The following GRAMD2B variants were observed in gnomAD, a reference collection of about 807,000 sequenced individuals.
GRAMD2B encodes GRAM domain-containing protein 2B.
A neutral mutation model predicts 59.2 loss-of-function variants in GRAMD2B; 41 were observed. The ratio of observed to expected loss-of-function variants is 0.69; its 90% confidence interval spans 0.54 to 0.90. The LOEUF is 0.90. GRAMD2B is among the 40% of genes least tolerant of loss of function. The pLI, the probability that GRAMD2B is intolerant of heterozygous loss-of-function variation, is 0.00. For missense variants in GRAMD2B, 424 were observed against 500.5 expected, an observed-to-expected ratio of 0.85 and a Z score of 1.46; for synonymous variants, 161 against 182.7, an observed-to-expected ratio of 0.88 and a Z score of 0.96.
intron 1 of GRAMD2B, among the ~76,000 whole-genome samples, chr5:126,434,655 C>T (rs967901975): frequency 1.3e-5 from 2 of 151,984 alleles, no homozygotes; most frequent in Non-Finnish European, 2.9e-5. Context: ...GTAGCTGGGA[C>T]TACAGGTGCC....
intron 5 of GRAMD2B, among the ~76,000 whole-genome samples, chr5:126,473,821 C>A (rs1459000706): frequency 6.6e-6 from 1 of 152,158 alleles, no homozygotes; most frequent in Non-Finnish European, 1.5e-5. Flanking sequence ...AAATAAGCTA[C>A]TTATTAGCAC....
chr5:126,369,282 AT>A (rs1754621869), upstream of GRAMD2B, among the ~76,000 whole-genome samples: 1 of 73,926 alleles, frequency 1.4e-5, no homozygotes, highest in Non-Finnish European at 3.3e-5. Flanking sequence ...GAATGAATGA[AT>A]GAATGAATGA....
intron 1 of GRAMD2B, among the ~76,000 whole-genome samples, chr5:126,414,507 G>A (rs969533642): frequency 6.6e-6 from 1 of 152,252 alleles, no homozygotes; most frequent in Admixed American, 6.5e-5. Context: ...CACTCAGGTT[G>A]CAGTGTAATG....
chr5:126,370,683 T>G (rs138927290), upstream of GRAMD2B, among the ~76,000 whole-genome samples: 40 of 152,302 alleles, frequency 2.6e-4, no homozygotes, highest in African/African-American at 9.6e-4. Flanking sequence ...ATAACAGATA[T>G]CAAACAGAGC....
intron 1 of GRAMD2B, among the ~76,000 whole-genome samples, chr5:126,394,641 C>T (rs1453547134): frequency 6.6e-6 from 1 of 152,106 alleles, no homozygotes; most frequent in Non-Finnish European, 1.5e-5. Flanking sequence ...CCAATCTTTA[C>T]TCTGGAGACG....
At chr5:126,411,683 T>C (rs955270295) in intron 1 of GRAMD2B, among the ~76,000 whole-genome samples, 1 of 152,090 alleles carries the variant, frequency 6.6e-6, no homozygotes, top group African/African-American at 2.4e-5. Context: ...AATCTGTAGA[T>C]TGCGTTGGGT....
chr5:126,460,552 C>T (rs1410827339), intron 1 of GRAMD2B, among the ~76,000 whole-genome samples: 6 of 152,314 alleles, frequency 3.9e-5, no homozygotes, highest in African/African-American at 1.4e-4. Context: ...CCTGCACTTC[C>T]GCACTCCATT....
chr5:126,404,859 A>C (rs970546846), intron 1 of GRAMD2B, among the ~76,000 whole-genome samples: 1 of 151,904 alleles, frequency 6.6e-6, no homozygotes, highest in African/African-American at 2.4e-5. Flanking sequence ...TATACAACAT[A>C]ATAACAAAAA....
At chr5:126,424,845 A>C (rs1760318791) in intron 1 of GRAMD2B, among the ~76,000 whole-genome samples, 1 of 152,238 alleles carries the variant, frequency 6.6e-6, no homozygotes, top group Non-Finnish European at 1.5e-5. Context: ...TGCAGATAAA[A>C]GCACTGAAGC....
At position 126,383,069 on chromosome 5, in the gene GRAMD2B, G is replaced by C. The variant is rs73332438; in HGVS notation, c.125+11502G>C. On this transcript the variant is annotated intron_variant, in intron 1 of 8. Transcript: ENST00000506445. Reference sequence around the variant, plus strand: ...TCCGTCTTCAGGTCTCTCAGCCATGGATACCAGCACCTTCCCCAGTGGAGG... The same window carrying C: ...TCCGTCTTCAGGTCTCTCAGCCATGCATACCAGCACCTTCCCCAGTGGAGG... Among the ~76,000 whole-genome samples, 321 of 152,316 alleles carry C rather than the reference G, an allele frequency of 2.1e-3. 2 individuals carry two copies. The highest frequency in any genetic ancestry group is 7.1e-3 in the African/African-American group (294 of 41,572).
intron 1 of GRAMD2B, among the ~76,000 whole-genome samples, chr5:126,413,164 T>C (rs922542445): frequency 1.4e-4 from 21 of 152,242 alleles, no homozygotes; most frequent in African/African-American, 4.3e-4. Context: ...GGTTTTGTTC[T>C]TGTTTTTCTA....
chr5:126,411,841 G>GGTGTGT lies in GRAMD2B; in HGVS notation c.125+40289_125+40294dup, dbSNP rs147604532. Among the ~76,000 whole-genome samples the GGTGTGT allele has an allele frequency of 9.3e-4, 138 of 148,868 alleles. 1 individual carries two copies. In the Middle Eastern group the frequency reaches 0.017, roughly 19 times the overall value. On this transcript the variant is annotated intron_variant, in intron 1 of 8. Coordinates refer to the GRAMD2B transcript ENST00000506445. ...CACCACATTGGTTAGATATATTTCT[G>GGTGTGT]GTGTGTGTGTGTGTGTGTGTTTGTG... is the stretch of plus-strand genomic sequence containing the variant.
Position 126,488,838 on chromosome 5 carries a change from C to G in GRAMD2B, c.1203C>G (p.Phe401Leu). The G allele has an allele frequency of 6.2e-7, 1 of 1,613,836 alleles. No individual in the cohort carries two copies. Reference protein sequence around the residue: ...APSGLRSQVQFNVEVLCQELT... With the variant: ...APSGLRSQVQLNVEVLCQELT... ...CTGGCCTGAGGTCACAAGTACAATTCAATGTGGAGGTTCTCTGTCAAGAGC... is the reference window on the plus strand; with the variant it reads ...CTGGCCTGAGGTCACAAGTACAATTGAATGTGGAGGTTCTCTGTCAAGAGC... The change falls in exon 13 of 14, where the codon TTC (phenylalanine) becomes TTG (leucine). Residue 401 changes from phenylalanine to leucine, a missense_variant. Transcript: ENST00000285689.
chr5:126,367,309 G>C (rs1296811622), upstream of GRAMD2B, among the ~76,000 whole-genome samples: 1 of 152,120 alleles, frequency 6.6e-6, no homozygotes, highest in Admixed American at 6.5e-5. Flanking sequence ...AGAAAATCTC[G>C]TTTATTTCTA....
Position 126,404,180 on chromosome 5 carries a change from C to T in GRAMD2B, c.125+32613C>T, listed in dbSNP as rs188897290. 5.9e-4 allele frequency among the ~76,000 whole-genome samples: 89 copies of T among 151,994 alleles called. 1 individual carries two copies. The East Asian group carries it at 0.017, about 28-fold the overall frequency. ...GAAATCAGGAAATCCCAGGATTGTA[C>T]AGTCTCAACACAACCCAAGGAAATG... On this transcript the variant is annotated intron_variant, in intron 1 of 8. Coordinates refer to the GRAMD2B transcript ENST00000506445.
At chr5:126,427,406 CAAAAGTT>C (rs1311994375) in intron 1 of GRAMD2B, among the ~76,000 whole-genome samples, 1 of 152,100 alleles carries the variant, frequency 6.6e-6, no homozygotes, top group African/African-American at 2.4e-5. Flanking sequence ...ATATTCTGAG[CAAAAGTT>C]ATCTTGATTC....
chr5:126,487,157 C>G (rs1176021055), intron 12 of GRAMD2B, among the ~76,000 whole-genome samples, 180 bp downstream of exon 12: 1 of 152,020 alleles, frequency 6.6e-6, no homozygotes, highest in East Asian at 1.9e-4. Flanking sequence ...TGACCTAACC[C>G]TGTACTATTT....
At chr5:126,390,182 T>G (rs751535594) in intron 1 of GRAMD2B, among the ~76,000 whole-genome samples, 17 of 152,194 alleles carry the variant, frequency 1.1e-4, no homozygotes, top group Non-Finnish European at 2.1e-4. Flanking sequence ...CTGAGATGAC[T>G]TGACTTTGAA....
chr5:126,383,127 T>G (rs1458498107), intron 1 of GRAMD2B, among the ~76,000 whole-genome samples: 1 of 152,210 alleles, frequency 6.6e-6, no homozygotes, highest in African/African-American at 2.4e-5. Context: ...CCGTGACTTA[T>G]TTTTTAAATG....
Sources: gnomAD v4.1 joint callset for allele counts (sites outside exome capture counted in the v4.1 genomes callset) on GRCh38, gnomAD v4.1.1 for gene constraint, MANE v1.5 for transcripts, NCBI Gene and HGNC (gene_info 2026-07-23, HGNC 2026-07-21) for gene names.